Variants in NCF2 observed in about 807,000 individuals in gnomAD.
NCF2 encodes neutrophil cytosol factor 2.
In NCF2, 45 loss-of-function variants were observed where a neutral mutation model predicts 70.9. The observed-to-expected ratio is 0.63, with a 90% CI of 0.50 to 0.81. The LOEUF is 0.81. Ranked by LOEUF, NCF2 falls within the 40% of genes least tolerant of loss-of-function variation. The pLI, the probability that NCF2 is intolerant of heterozygous loss-of-function variation, is 0.00. For synonymous variants in NCF2, 203 were observed against 233.6 expected, an observed-to-expected ratio of 0.87 and a Z score of 1.19; for missense variants, 522 against 631.6, an observed-to-expected ratio of 0.83 and a Z score of 1.86.
chr1:183,573,089 A>C, intron 5 of NCF2, 96 bp downstream of exon 5: 2 of 1,130,500 alleles, frequency 1.8e-6, no homozygotes, highest in African/African-American at 3.0e-5. Context: ...GGACAGAGCC[A>C]CAAGGAGGCT....
At chr1:183,559,871 A>G (rs1171979649) in intron 14 of NCF2, among the ~76,000 whole-genome samples, 1 of 152,190 alleles carries the variant, frequency 6.6e-6, no homozygotes, top group Non-Finnish European at 1.5e-5. Context: ...AAACAAAAAC[A>G]AAAACAAAAC....
chr1:183,564,911 CTG>C (rs1344753854), intron 10 of NCF2, among the ~76,000 whole-genome samples: 4 of 152,300 alleles, frequency 2.6e-5, no homozygotes, highest in African/African-American at 9.6e-5. Flanking sequence ...TGTCACGAGT[CTG>C]TAACTTTTCA....
At chr1:183,559,837 C>T (rs1240952446) in intron 14 of NCF2, among the ~76,000 whole-genome samples, 3 of 152,076 alleles carry the variant, frequency 2.0e-5, no homozygotes, top group Admixed American at 2.0e-4. Context: ...CCAGCCTGGG[C>T]AACAGAGGGG....
chr1:183,556,855 T>C (rs983672015), intron 14 of NCF2, among the ~76,000 whole-genome samples: 1 of 152,194 alleles, frequency 6.6e-6, no homozygotes, highest in African/African-American at 2.4e-5. Flanking sequence ...GAGAGAATTT[T>C]ACCTGCGCTT....
Position 183,556,006 on chromosome 1 carries a change from T to G in NCF2, c.*112A>C. 1 of 909,630 alleles carries G rather than the reference T, an allele frequency of 1.1e-6. No homozygotes were observed. The highest frequency in any genetic ancestry group is 1.8e-6 in the Non-Finnish European group (1 of 556,340). The allele number at this position is 909,630 out of a possible 1,614,324, so 56.3% of individuals were successfully genotyped here. A position where few individuals can be genotyped will look rare whatever the true frequency, so the allele number is the denominator to read the frequency against. Reference sequence around the variant, plus strand: ...TTAAATTTTAACAGGGAATAAATAGTTAACACTTCCAAACTGTAATGTCTC... The same window carrying G: ...TTAAATTTTAACAGGGAATAAATAGGTAACACTTCCAAACTGTAATGTCTC... On this transcript the variant is annotated 3_prime_UTR_variant, in exon 15 of 15. Transcript: ENST00000367535.
intron 13 of NCF2, 44 bp downstream of exon 13, chr1:183,563,151 G>A (rs778038706): frequency 5.4e-5 from 83 of 1,543,626 alleles, no homozygotes; most frequent in Non-Finnish European, 7.2e-5. Flanking sequence ...TTGAGGAAGT[G>A]GCTCAGTGGA....
intron 1 of NCF2, among the ~76,000 whole-genome samples, chr1:183,589,679 T>C (rs903611288): frequency 6.6e-6 from 1 of 152,190 alleles, no homozygotes; most frequent in Admixed American, 6.5e-5. Flanking sequence ...ATCAGAATTG[T>C]CACTTGGGAT....
In NCF2 at chr1:183,590,150, A is replaced by G; in HGVS notation, c.174+6T>C. 6.2e-7 allele frequency: 1 copy of G among 1,614,032 alleles called. No individual in the cohort carries two copies. Among genetic ancestry groups the G allele is most frequent in the Non-Finnish European group, 8.5e-7 (1 of 1,179,984 alleles). Reference sequence around the variant, plus strand: ...AGGAGGCCCGGAAAGAGGCACCTCCACTCACCTTCTCTGCTTCAGTCATGT... The same window carrying G: ...AGGAGGCCCGGAAAGAGGCACCTCCGCTCACCTTCTCTGCTTCAGTCATGT... On this transcript the variant is annotated splice_donor_region_variant and intron_variant, in intron 1 of 14. Coordinates refer to ENST00000367535, the MANE Select transcript of NCF2 (RefSeq NM_000433.4).
chr1:183,593,131 G>GTCTTAGCACCTCAGATAC (rs1233163527), upstream of NCF2, among the ~76,000 whole-genome samples: 1 of 152,094 alleles, frequency 6.6e-6, no homozygotes, highest in Non-Finnish European at 1.5e-5. Flanking sequence ...GTGCATGCAA[G>GTCTTAGCACCTCAGATAC]TCTTAGCACC....
chr1:183,570,652 GC>G, intron 6 of NCF2, 127 bp downstream of exon 6: 1 of 923,728 alleles, frequency 1.1e-6, no homozygotes, highest in Non-Finnish European at 1.7e-6. Flanking sequence ...AGATCCCTCA[GC>G]TGCACTGAGG....
At chr1:183,587,447 A>G (rs981394915) in intron 1 of NCF2, among the ~76,000 whole-genome samples, 6 of 152,082 alleles carry the variant, frequency 3.9e-5, no homozygotes, top group African/African-American at 1.4e-4. Flanking sequence ...TTTAAAAATT[A>G]GTCAGATGTG....
chr1:183,567,436 CAG>C, intron 7 of NCF2, 91 bp from the exon 8 acceptor site: 1 of 1,566,734 alleles, frequency 6.4e-7, no homozygotes, highest in South Asian at 1.1e-5. Context: ...GACTTGGCTC[CAG>C]CCTGGCTCTA....
rs57218247 is a variant in NCF2 at position 183,561,779 on chromosome 1, CTTTTTTTTTTTTTTTTTTT to C, written c.1290+1397_1290+1415del. Among the ~76,000 whole-genome samples, 36 of 65,160 alleles carry C rather than the reference CTTTTTTTTTTTTTTTTTTT, an allele frequency of 5.5e-4. 2 individuals are homozygous for C. In the South Asian group the frequency reaches 6.8e-3, roughly 12 times the overall value. The allele number at this position is 65,160 out of a possible 152,430, so 42.7% of individuals were successfully genotyped here. On this transcript the variant is annotated intron_variant, in intron 13 of 14. Coordinates refer to ENST00000367535, the MANE Select transcript of NCF2 (RefSeq NM_000433.4). ...TTCAGGCATAAACCATACCAGGCCT[CTTTTTTTTTTTTTTTTTTT>C]TTTTTTTTTTTTTTTTTTTGAGGCA...
chr1:183,558,886 T>A (rs1671912250), intron 14 of NCF2, among the ~76,000 whole-genome samples: 1 of 152,070 alleles, frequency 6.6e-6, no homozygotes, highest in Non-Finnish European at 1.5e-5. Context: ...CTTTAAAATT[T>A]CCCCCTCTCT....
chr1:183,564,344 C>T (rs187217973), intron 10 of NCF2, among the ~76,000 whole-genome samples: 149 of 152,132 alleles, frequency 9.8e-4, no homozygotes, highest in Non-Finnish European at 1.8e-3. Context: ...CCACGGGATC[C>T]AAAGCAATGA....
At chr1:183,596,926 A>G in the NCF2 span, among the ~76,000 whole-genome samples, 1 of 151,910 alleles carries the variant, frequency 6.6e-6, no homozygotes, top group Non-Finnish European at 1.5e-5. Flanking sequence ...AAACACAAGC[A>G]CTCTATCACA....
chr1:183,563,248 C>T lies in NCF2; in HGVS notation c.1237G>A (p.Ala413Thr). The T allele has an allele frequency of 1.2e-6, 2 of 1,614,184 alleles. No individual in the cohort carries two copies. Among genetic ancestry groups the T allele is most frequent in the Non-Finnish European group, 1.7e-6 (2 of 1,180,036 alleles). ...VPLSEDSMKD[A>T]WGQVKNYCLT... ...CAGTAGTTTTTCACCTGGCCCCAGG[C>T]ATCCTTCATGCTGTCTTCTGAAAGG... The change falls in exon 13 of 15, where the codon GCC becomes ACC. Residue 413 changes from alanine to threonine, a missense_variant. Transcript: ENST00000367535.
chr1:183,589,505 T>G (rs953673921), intron 1 of NCF2, among the ~76,000 whole-genome samples: 2 of 152,072 alleles, frequency 1.3e-5, no homozygotes, highest in African/African-American at 4.8e-5. Context: ...AAAAAATAAT[T>G]ATCGAGAATG....
chr1:183,581,950 A>G (rs1019467063), intron 2 of NCF2, among the ~76,000 whole-genome samples: 2 of 152,168 alleles, frequency 1.3e-5, no homozygotes, highest in African/African-American at 4.8e-5. Flanking sequence ...TACAGGCGTG[A>G]GCCACCTCGC....
Sources: allele counts gnomAD v4.1 joint callset (sites outside exome capture counted in the v4.1 genomes callset), GRCh38; gene constraint gnomAD v4.1.1; transcripts MANE v1.5; gene names NCBI Gene and HGNC (gene_info 2026-07-23, HGNC 2026-07-21).